Variants in PSD3 observed in about 807,000 individuals in gnomAD.
The protein encoded by PSD3 is pleckstrin and Sec7 domain containing 3, also known as PH and SEC7 domain-containing protein 3.
In PSD3, 49 loss-of-function variants were observed where a neutral mutation model predicts 105.5. That is an observed-to-expected ratio of 0.46 (90% CI 0.37 to 0.59). PSD3 has a LOEUF of 0.59. Ranked by LOEUF, PSD3 falls within the 20% of genes least tolerant of loss-of-function variation. The probability of loss-of-function intolerance (pLI) is 0.00; values close to 1 mark genes in which losing one functional copy is unlikely to be tolerated. For synonymous variants in PSD3, 557 were observed against 457.8 expected, an observed-to-expected ratio of 1.22 and a Z score of -2.77; for missense variants, 1,561 against 1,263.8, an observed-to-expected ratio of 1.24 and a Z score of -3.57.
At chr8:18,887,382 C>T in intron 2 of PSD3, among the ~76,000 whole-genome samples, 1 of 152,114 alleles carries the variant, frequency 6.6e-6, no homozygotes, top group East Asian at 1.9e-4. Flanking sequence ...ATTGCTGTTA[C>T]TTGGAAATGT....
chr8:18,934,547 A>C (rs1343083867), intron 2 of PSD3, among the ~76,000 whole-genome samples: 19 of 152,034 alleles, frequency 1.2e-4, no homozygotes, highest in African/African-American at 4.6e-4. Context: ...AGTAGCTGTG[A>C]CTACAGGCAC....
intron 9 of PSD3, among the ~76,000 whole-genome samples, chr8:18,674,366 TTC>T (rs1273888596): frequency 1.6e-4 from 25 of 152,188 alleles, no homozygotes; most frequent in Non-Finnish European, 8.8e-5. Flanking sequence ...TCCAGTTTTT[TTC>T]TGTGGAACTT....
At chr8:18,836,454 G>C (rs1403464706) in intron 4 of PSD3, among the ~76,000 whole-genome samples, 1 of 152,156 alleles carries the variant, frequency 6.6e-6, no homozygotes, top group African/African-American at 2.4e-5. Flanking sequence ...CAAACACACA[G>C]AGGTTGGAAA....
intron 9 of PSD3, among the ~76,000 whole-genome samples, chr8:18,677,159 T>C (rs1384229854): frequency 6.6e-6 from 1 of 152,164 alleles, no homozygotes; most frequent in African/African-American, 2.4e-5. Flanking sequence ...CCAGCAGGAT[T>C]TGAGAAATTC....
rs575736471 is a variant in PSD3, at chr8:18,561,707, A to AT, written c.2785-5356dup. On this transcript the variant is annotated intron_variant, in intron 14 of 15. Transcript: ENST00000327040. Reference sequence around the variant, plus strand: ...ATTAAAATTGTTAAAAAAATATTTAATTTTTTTCCTATTTATATAGTACTT... The same window carrying AT: ...ATTAAAATTGTTAAAAAAATATTTAATTTTTTTTCCTATTTATATAGTACTT... Among the ~76,000 whole-genome samples the AT allele has an allele frequency of 4.8e-3, 725 of 152,236 alleles. 4 individuals carry two copies. The highest frequency in any genetic ancestry group is 0.016 in the African/African-American group (681 of 41,532).
At chr8:19,008,471 G>A (rs1231577321) in intron 1 of PSD3, among the ~76,000 whole-genome samples, 1 of 152,152 alleles carries the variant, frequency 6.6e-6, no homozygotes, top group African/African-American at 2.4e-5. Flanking sequence ...CATCGTCTGT[G>A]CCATCACTCT....
At chr8:18,780,319 G>GT (rs1180156343) in intron 8 of PSD3, among the ~76,000 whole-genome samples, 1 of 149,992 alleles carries the variant, frequency 6.7e-6, no homozygotes, top group Admixed American at 6.7e-5. Flanking sequence ...AGTAAAGTCA[G>GT]TTTTTTATAG....
intron 1 of PSD3, among the ~76,000 whole-genome samples, chr8:19,031,380 A>C (rs1386377067): frequency 6.6e-6 from 1 of 152,216 alleles, no homozygotes; most frequent in Non-Finnish European, 1.5e-5. Flanking sequence ...TATTTTGTTC[A>C]AAGAAATGTG....
chr8:18,691,559 T>C (rs149655305), intron 9 of PSD3, among the ~76,000 whole-genome samples: 2 of 152,198 alleles, frequency 1.3e-5, no homozygotes, highest in Admixed American at 1.3e-4. Flanking sequence ...TAGCCCAAAG[T>C]AAACACAAAA....
At chr8:19,041,918 C>T (rs1828137639) in intron 1 of PSD3, among the ~76,000 whole-genome samples, 1 of 152,054 alleles carries the variant, frequency 6.6e-6, no homozygotes, top group African/African-American at 2.4e-5. Context: ...AAAGGGGAGA[C>T]AAGACGAAAG....
intron 4 of PSD3, among the ~76,000 whole-genome samples, chr8:18,858,000 C>G (rs560579166): frequency 1.3e-5 from 2 of 152,164 alleles, no homozygotes; most frequent in Non-Finnish European, 2.9e-5. Flanking sequence ...TAATATTAAT[C>G]CTCATTAGCA....
chr8:18,943,775 C>G lies in PSD3; in HGVS notation c.22-7633G>C, dbSNP rs1822699278. On this transcript the variant is annotated intron_variant, in intron 1 of 15. Transcript: ENST00000327040. ...GCACTCTGGCCTAGGGGACACCACA[C>G]ACTACTGAAGTTAAAGATACCATAG... Among the ~76,000 whole-genome samples, 4 of 152,096 alleles carry G rather than the reference C, an allele frequency of 2.6e-5. 1 individual carries two copies. The South Asian group carries it at 8.3e-4, about 32-fold the overall frequency.
rs749181281 is a variant in PSD3 at position 18,872,571 on chromosome 8, G to A, written c.293C>T (p.Thr98Ile). ...ACTGTCGAGCCCAGAGTGGCAGCCAGTAAGAGGCTGGACACCCTGCTGCTC... is the reference window on the plus strand; with the variant it reads ...ACTGTCGAGCCCAGAGTGGCAGCCAATAAGAGGCTGGACACCCTGCTGCTC... The part of the protein sequence containing the change: ...PQEQQGVQPL[T>I]GCHSGLDSVT... The change falls in exon 3 of 16, where the codon ACT becomes ATT. Residue 98 changes from threonine to isoleucine, a missense_variant. Physicochemically the swap from Thr to Ile is moderately conservative, Grantham distance 89. Coordinates refer to ENST00000327040, the MANE Select transcript of PSD3 (RefSeq NM_015310.4). The A allele has an allele frequency of 2.0e-5, 33 of 1,613,938 alleles. No individual in the cohort carries two copies. Among genetic ancestry groups the A allele is most frequent in the South Asian group, 1.1e-4 (10 of 91,060 alleles).
intron 9 of PSD3, among the ~76,000 whole-genome samples, chr8:18,742,424 A>T (rs1804647208): frequency 6.6e-6 from 1 of 152,242 alleles, no homozygotes. Context: ...TGACACAGGC[A>T]TCAAACCAAG....
At chr8:18,958,631 G>A (rs1297983628) in intron 1 of PSD3, among the ~76,000 whole-genome samples, 1 of 152,156 alleles carries the variant, frequency 6.6e-6, no homozygotes, top group African/African-American at 2.4e-5. Flanking sequence ...TCCTAAGAAT[G>A]CCAAGCTGTT....
intron 9 of PSD3, among the ~76,000 whole-genome samples, chr8:18,725,573 C>T (rs563347452): frequency 1.9e-4 from 29 of 152,186 alleles, no homozygotes; most frequent in African/African-American, 4.8e-4. Context: ...TTTTGAGAGA[C>T]GGGGACATCT....
intron 10 of PSD3, among the ~76,000 whole-genome samples, chr8:18,636,388 A>T (rs1165788912): frequency 2.0e-5 from 3 of 152,228 alleles, no homozygotes; most frequent in Non-Finnish European, 4.4e-5. Flanking sequence ...TTAAGCTGTT[A>T]TTACCAAAAA....
At chr8:18,659,310 G>A (rs1212767889) in intron 9 of PSD3, among the ~76,000 whole-genome samples, 3 of 152,256 alleles carry the variant, frequency 2.0e-5, no homozygotes, top group East Asian at 1.9e-4. Flanking sequence ...TGAGCCTCTC[G>A]CCATCTCCTC....
In PSD3 at chr8:18,914,168, TTG is replaced by T. The variant is rs1466434129; in HGVS notation, c.130+21864_130+21865del. On this transcript the variant is annotated intron_variant, in intron 2 of 15. Transcript: ENST00000327040. ...ATCTCCATAGACTCATAAACAGCAT[TTG>T]AGAAAATTCAACACCCTTTCATGAT... Among the ~76,000 whole-genome samples, 3 of 149,942 alleles carry T rather than the reference TTG, an allele frequency of 2.0e-5. No homozygotes were observed. The South Asian group carries it at 6.3e-4, about 32-fold the overall frequency.
Sources: gnomAD v4.1 joint callset for allele counts (sites outside exome capture counted in the v4.1 genomes callset) on GRCh38, gnomAD v4.1.1 for gene constraint, MANE v1.5 for transcripts, NCBI Gene and HGNC (gene_info 2026-07-23, HGNC 2026-07-21) for gene names.